The following UBE2E2 variants were observed in gnomAD, a reference collection of about 807,000 sequenced individuals.
The protein encoded by UBE2E2 is ubiquitin-conjugating enzyme E2 E2.
UBE2E2 carries 6 observed loss-of-function variants against 24.7 expected under a neutral mutation model. The observed-to-expected ratio is 0.24, with a 90% confidence interval of 0.13 to 0.48. The LOEUF (loss-of-function observed/expected upper bound fraction) is 0.48. UBE2E2 is among the 20% of genes least tolerant of loss of function. UBE2E2 has a pLI of 0.99. For missense variants in UBE2E2, 169 were observed against 245.0 expected (o/e 0.69, Z 2.07); for synonymous variants, 104 against 83.6 (o/e 1.24, Z -1.33).
chr3:23,485,077 C>G (rs1031985887), intron 3 of UBE2E2, among the ~76,000 whole-genome samples: 2 of 149,924 alleles, frequency 1.3e-5, no homozygotes, highest in Non-Finnish European at 3.0e-5. Flanking sequence ...TTAAGTGAGT[C>G]CACTTAACAC....
intron 3 of UBE2E2, among the ~76,000 whole-genome samples, chr3:23,450,513 G>GA (rs1399764822): frequency 1.3e-5 from 2 of 151,978 alleles, no homozygotes; most frequent in Non-Finnish European, 2.9e-5. Flanking sequence ...TATCATCTCA[G>GA]AAAAATTTGC....
intron 3 of UBE2E2, among the ~76,000 whole-genome samples, chr3:23,415,491 A>T (rs1695171): frequency 0.62 from 93,916 of 152,048 alleles, 29,711 homozygotes; most frequent in African/African-American, 0.74. Context: ...TTACATGTAA[A>T]AAATTGTTTT....
chr3:23,208,583 C>T (rs1384277894), intron 1 of UBE2E2, 109 bp from the exon 2 acceptor site: 1 of 838,052 alleles, frequency 1.2e-6, no homozygotes, highest in Non-Finnish European at 1.7e-6. Context: ...CCAATTTAAT[C>T]CATTTTATAT....
At chr3:23,324,471 C>T (rs917232491) in intron 3 of UBE2E2, among the ~76,000 whole-genome samples, 11 of 152,212 alleles carry the variant, frequency 7.2e-5, no homozygotes, top group Admixed American at 1.3e-4. Context: ...TGTGTTTTCT[C>T]TGCCTTTCCT....
intron 3 of UBE2E2, among the ~76,000 whole-genome samples, chr3:23,350,868 T>C (rs1019850230): frequency 9.2e-5 from 14 of 152,162 alleles, no homozygotes; most frequent in Middle Eastern, 3.4e-3. Flanking sequence ...AACATTCAGA[T>C]TCAGGAAATA....
At chr3:23,261,754 T>C (rs1559323238) in intron 3 of UBE2E2, among the ~76,000 whole-genome samples, 1 of 152,232 alleles carries the variant, frequency 6.6e-6, no homozygotes, top group Non-Finnish European at 1.5e-5. Flanking sequence ...CTTAGCATAA[T>C]GCGCTTCAGA....
intron 5 of UBE2E2, among the ~76,000 whole-genome samples, chr3:23,582,579 G>A (rs550119704): frequency 3.3e-5 from 5 of 152,148 alleles, no homozygotes; most frequent in East Asian, 3.9e-4. Context: ...ATTTTTTGAC[G>A]TTTTAATAAT....
At chr3:23,392,639 A>G (rs186804796) in intron 3 of UBE2E2, among the ~76,000 whole-genome samples, 34 of 152,330 alleles carry the variant, frequency 2.2e-4, no homozygotes, top group African/African-American at 6.5e-4. Context: ...AGAGCAGAAT[A>G]TTACCTAGTT....
chr3:23,581,067 T>A (rs1696466614), intron 5 of UBE2E2, among the ~76,000 whole-genome samples: 1 of 152,146 alleles, frequency 6.6e-6, no homozygotes. Context: ...ATTATTTTTT[T>A]AATTTTTATT....
intron 3 of UBE2E2, among the ~76,000 whole-genome samples, chr3:23,472,459 A>G (rs1013609196): frequency 5.9e-5 from 9 of 152,146 alleles, no homozygotes; most frequent in Admixed American, 5.9e-4. Flanking sequence ...GGTACTTCCA[A>G]GCACCATCCT....
At chr3:23,319,651 A>G (rs1288547210) in intron 3 of UBE2E2, among the ~76,000 whole-genome samples, 1 of 149,844 alleles carries the variant, frequency 6.7e-6, no homozygotes, top group Admixed American at 6.6e-5. Context: ...CGTCTCTACT[A>G]AAAATACAAA....
rs146017397 is a variant in UBE2E2, at chr3:23,559,614, C to A, written c.508+26913C>A. On this transcript the variant is annotated intron_variant, in intron 5 of 5. Coordinates refer to ENST00000396703, the MANE Select transcript of UBE2E2 (RefSeq NM_152653.4). ...CGTGAGCAGCTTATCCTCCCTCCCC[C>A]ACTCCTTTCCTTTCTTTCTTTCTTT... is the stretch of plus-strand genomic sequence containing the variant. 1.4e-3 allele frequency among the ~76,000 whole-genome samples: 216 copies of A among 152,290 alleles called. 4 individuals carry two copies. The East Asian group carries it at 0.035, about 24-fold the overall frequency.
chr3:23,304,366 A>T lies in UBE2E2; in HGVS notation c.227+87054A>T, dbSNP rs1699186064. 3.9e-5 allele frequency among the ~76,000 whole-genome samples: 6 copies of T among 152,236 alleles called. No homozygotes were observed. The South Asian group carries it at 1.2e-3, about 32-fold the overall frequency. ...CATCTCCAGGCTTTATACTCTTAAA[A>T]ATTACTGGATTATATCTGTGAATAT... On this transcript the variant is annotated intron_variant, in intron 3 of 5. Transcript: ENST00000396703.
intron 3 of UBE2E2, among the ~76,000 whole-genome samples, chr3:23,226,009 AGCTGGAACTACAGGCGCAT>A (rs1696811801): frequency 6.6e-6 from 1 of 152,000 alleles, no homozygotes; most frequent in South Asian, 2.1e-4. Context: ...CCTTCTGAGT[AGCTGGAACTACAGGCGCAT>A]GCCACCATGC....
chr3:23,446,224 T>C (rs2125412457), intron 3 of UBE2E2, among the ~76,000 whole-genome samples: 1 of 152,318 alleles, frequency 6.6e-6, no homozygotes, highest in Middle Eastern at 3.4e-3. Flanking sequence ...TCCACCTTTT[T>C]CTTAACAGTA....
intron 3 of UBE2E2, among the ~76,000 whole-genome samples, chr3:23,230,825 TTCCTGG>T (rs1483138025): frequency 1.3e-5 from 2 of 152,022 alleles, no homozygotes; most frequent in Non-Finnish European, 2.9e-5. Context: ...GGATTTATTT[TTCCTGG>T]AGAGGTGAAG....
At chr3:23,513,555 A>C (rs1694656248) in intron 4 of UBE2E2, among the ~76,000 whole-genome samples, 1 of 152,174 alleles carries the variant, frequency 6.6e-6, no homozygotes, top group Admixed American at 6.6e-5. Flanking sequence ...CTGCAAATAT[A>C]TCCGTGGGAT....
intron 3 of UBE2E2, among the ~76,000 whole-genome samples, chr3:23,275,052 A>G (rs761385858): frequency 7.2e-5 from 11 of 152,210 alleles, no homozygotes; most frequent in Non-Finnish European, 1.3e-4. Context: ...CTGAGTGCCT[A>G]CTGTGTGTAA....
chr3:23,307,285 T>A (rs34646795), intron 3 of UBE2E2, among the ~76,000 whole-genome samples: 16,064 of 152,224 alleles, frequency 0.11, 976 homozygotes, highest in East Asian at 0.13. Flanking sequence ...ATAGTCATTC[T>A]TCAAGTTGCT....
Sources: allele counts gnomAD v4.1 joint callset (sites outside exome capture counted in the v4.1 genomes callset), GRCh38; gene constraint gnomAD v4.1.1; transcripts MANE v1.5; gene names NCBI Gene and HGNC (gene_info 2026-07-23, HGNC 2026-07-21).